Variants in MAPT observed in about 807,000 individuals in gnomAD.
The protein encoded by MAPT is microtubule associated protein tau, also known as microtubule-associated protein tau.
MAPT carries 34 observed loss-of-function variants against 67.9 expected under a neutral mutation model. The ratio of observed to expected loss-of-function variants is 0.50; its 90% confidence interval spans 0.38 to 0.67. MAPT has a LOEUF of 0.67. MAPT is among the 30% of genes least tolerant of loss of function. The pLI is 0.00. For synonymous variants in MAPT, 456 were observed against 464.5 expected, an observed-to-expected ratio of 0.98 and a Z score of 0.23; for missense variants, 881 against 1,115.2, an observed-to-expected ratio of 0.79 and a Z score of 2.99.
At chr17:45,930,866 C>T (rs976643076) in intron 1 of MAPT, among the ~76,000 whole-genome samples, 27 of 152,308 alleles carry the variant, frequency 1.8e-4, no homozygotes, top group African/African-American at 4.3e-4. Context: ...GGGGACTACA[C>T]GCTGTCGCTG....
intron 3 of MAPT, chr17:45,974,907 C>T (rs1457985742): frequency 5.0e-6 from 1 of 201,558 alleles, no homozygotes. Context: ...ATGACTGGAC[C>T]ACACCTTTTG....
chr17:46,022,018 TA>T (rs1236724410), intron 12 of MAPT, among the ~76,000 whole-genome samples: 3 of 152,172 alleles, frequency 2.0e-5, no homozygotes, highest in African/African-American at 7.2e-5. Flanking sequence ...AACATTAACA[TA>T]AATATTTTTA....
At chr17:45,918,813 T>A (rs1225203437) in intron 1 of MAPT, among the ~76,000 whole-genome samples, 1 of 152,154 alleles carries the variant, frequency 6.6e-6, no homozygotes, top group Non-Finnish European at 1.5e-5. Context: ...ATCCCAGCAT[T>A]TTGGGAGGCC....
At position 45,997,446 on chromosome 17, in the gene MAPT, G is replaced by A. The variant is rs59680274; in HGVS notation, c.1998+782G>A. Reference sequence around the variant, plus strand: ...CTGTGTGTGCTCCTGGTAGCTCTGCGCATGCTCATCTTCTTATAAGAACAC... The same window carrying A: ...CTGTGTGTGCTCCTGGTAGCTCTGCACATGCTCATCTTCTTATAAGAACAC... On this transcript the variant is annotated intron_variant, in intron 9 of 12. Transcript: ENST00000262410. 2.1e-3 allele frequency among the ~76,000 whole-genome samples: 327 copies of A among 152,304 alleles called. 2 individuals are homozygous for A. Among genetic ancestry groups the A allele is most frequent in the African/African-American group, 7.5e-3 (311 of 41,564 alleles).
intron 8 of MAPT, among the ~76,000 whole-genome samples, chr17:45,992,195 C>G (rs1388154049): frequency 1.3e-5 from 2 of 152,176 alleles, no homozygotes; most frequent in African/African-American, 4.8e-5. Flanking sequence ...TGAGAGTTTG[C>G]TTGACTGAGT....
chr17:45,905,177 G>A (rs531316299), intron 1 of MAPT, among the ~76,000 whole-genome samples: 19 of 152,106 alleles, frequency 1.2e-4, no homozygotes, highest in African/African-American at 3.6e-4. Context: ...CCCTAAATCC[G>A]CTTGAATAAT....
At chr17:45,964,074 C>T (rs1218043074) in intron 2 of MAPT, among the ~76,000 whole-genome samples, 2 of 152,034 alleles carry the variant, frequency 1.3e-5, no homozygotes, top group African/African-American at 2.4e-5. Context: ...TCAGCCATCA[C>T]GTGGTGATGG....
chr17:45,958,739 A>T (rs1231896419), intron 1 of MAPT, among the ~76,000 whole-genome samples: 1 of 151,492 alleles, frequency 6.6e-6, no homozygotes, highest in African/African-American at 2.4e-5. Context: ...AAAAAAAAAA[A>T]AGAGGAGAAA....
In MAPT at chr17:46,028,019, A is replaced by G. The variant is rs114213384; in HGVS notation, c.*3848A>G. The G allele has an allele frequency of 0.029, 4,562 of 155,716 alleles. 187 individuals carry two copies. Among genetic ancestry groups the G allele is most frequent in the African/African-American group, 0.091 (3,797 of 41,598 alleles). 9.6% of individuals were successfully genotyped at this position (155,716 alleles called of 1,614,324 possible). On this transcript the variant is annotated 3_prime_UTR_variant, in exon 13 of 13. Transcript: ENST00000262410. ...AGGTGATCACCTGCGTGTCCCATCT[A>G]CAGACCTGCAGCTTCATAAAACTTC...
intron 5 of MAPT, among the ~76,000 whole-genome samples, chr17:45,985,952 AGTT>A (rs951723299): frequency 6.6e-6 from 1 of 152,226 alleles, no homozygotes; most frequent in African/African-American, 2.4e-5. Context: ...CAAGAGACCC[AGTT>A]GTCCATGGGG....
At chr17:45,936,818 T>C (rs1421587294) in intron 1 of MAPT, among the ~76,000 whole-genome samples, 1 of 152,210 alleles carries the variant, frequency 6.6e-6, no homozygotes, top group Non-Finnish European at 1.5e-5. Flanking sequence ...AGCCTTCTTC[T>C]GTTTCAGGCC....
Position 46,024,507 on chromosome 17 carries a change from A to G in MAPT, c.*336A>G, listed in dbSNP as rs2076723051. 2.4e-6 allele frequency: 1 copy of G among 408,382 alleles called. No homozygotes were observed. The allele number at this position is 408,382 out of a possible 1,614,324, so 25.3% of individuals were successfully genotyped here. A position where few individuals can be genotyped will look rare whatever the true frequency, so the allele number is the denominator to read the frequency against. ...TTCCCCCTCCATGTAGAAGAGGGAG[A>G]AGGAGAGGCTCTGAAAGCTGCTTCT... On this transcript the variant is annotated 3_prime_UTR_variant, in exon 13 of 13. Transcript: ENST00000262410.
At chr17:46,023,831 A>G in intron 12 of MAPT, 125 bp from the exon 13 acceptor site, 4 of 787,892 alleles carry the variant, frequency 5.1e-6, no homozygotes, top group Non-Finnish European at 8.7e-6. Context: ...ATAGAGCAAG[A>G]CCCTGTCTCA....
intron 3 of MAPT, 76 bp downstream of exon 3, chr17:45,972,021 C>A: frequency 9.7e-7 from 1 of 1,034,134 alleles, no homozygotes; most frequent in Non-Finnish European, 1.5e-6. Flanking sequence ...CTCCTGGCTG[C>A]ATCTGCTGCT....
At chr17:45,931,229 C>T (rs186011722) in intron 1 of MAPT, among the ~76,000 whole-genome samples, 7 of 152,270 alleles carry the variant, frequency 4.6e-5, no homozygotes, top group Admixed American at 3.9e-4. Flanking sequence ...TGACACCCAG[C>T]GCTGACCTTT....
At chr17:45,958,956 G>C (rs192325801) in intron 1 of MAPT, among the ~76,000 whole-genome samples, 3 of 151,994 alleles carry the variant, frequency 2.0e-5, no homozygotes, top group African/African-American at 7.3e-5. Flanking sequence ...CCAGCTACTC[G>C]GGAGGCTGAG....
chr17:45,965,605 G>A (rs912285342), intron 2 of MAPT, among the ~76,000 whole-genome samples: 6 of 151,748 alleles, frequency 4.0e-5, no homozygotes, highest in East Asian at 4.0e-4. Context: ...TAGAAGAGAC[G>A]GGGTTTCACC....
chr17:45,982,981 G>T lies in MAPT; in HGVS notation c.402G>T (p.Pro134=). Residue 134 remains proline (P), a synonymous_variant, in exon 5 of 13, where the codon CCG becomes CCT. Coordinates refer to ENST00000262410, the MANE Select transcript of MAPT (RefSeq NM_001377265.1). ...PCGEASGVSG[P]CLGEKEPEAP... ...GAGAGGCCTCTGGGGTCTCTGGGCC[G>T]TGCCTCGGGGAGAAAGAGCCAGAAG... is the stretch of plus-strand genomic sequence containing the variant. The T allele has an allele frequency of 2.1e-6, 3 of 1,437,330 alleles. No homozygotes were observed. Among genetic ancestry groups the T allele is most frequent in the Non-Finnish European group, 2.7e-6 (3 of 1,098,252 alleles). The allele number at this position is 1,437,330 out of a possible 1,614,324, so 89.0% of individuals were successfully genotyped here.
chr17:46,006,827 G>C (rs1338340957), intron 9 of MAPT, among the ~76,000 whole-genome samples: 2 of 152,078 alleles, frequency 1.3e-5, no homozygotes, highest in African/African-American at 2.4e-5. Context: ...GGAGGCTGAG[G>C]CAGGAGAATG....
Sources: allele counts gnomAD v4.1 joint callset (sites outside exome capture counted in the v4.1 genomes callset), GRCh38; gene constraint gnomAD v4.1.1; transcripts MANE v1.5; gene names NCBI Gene and HGNC (gene_info 2026-07-23, HGNC 2026-07-21).